Variants in PDE4D observed in about 807,000 individuals in gnomAD.
PDE4D encodes 3',5'-cyclic-AMP phosphodiesterase 4D.
PDE4D carries 24 observed loss-of-function variants against 87.4 expected under a neutral mutation model. That is an observed-to-expected ratio of 0.27 (90% confidence interval 0.20 to 0.39). The LOEUF (loss-of-function observed/expected upper bound fraction) is 0.39. PDE4D is among the 10% of genes least tolerant of loss of function. The pLI is 1.00. For missense variants in PDE4D, 714 were observed against 1,041.0 expected, an observed-to-expected ratio of 0.69 and a Z score of 4.32; for synonymous variants, 384 against 383.2, an observed-to-expected ratio of 1.00 and a Z score of -0.02.
At chr5:59,929,072 A>G (rs1397371246) in intron 3 of PDE4D, among the ~76,000 whole-genome samples, 3 of 151,518 alleles carry the variant, frequency 2.0e-5, no homozygotes, top group Non-Finnish European at 4.4e-5. Flanking sequence ...TTTTCAATAT[A>G]TGTGTGTGTG....
chr5:60,010,790 A>G (rs10940655), intron 2 of PDE4D, among the ~76,000 whole-genome samples: 111,320 of 152,104 alleles, frequency 0.73, 41,292 homozygotes, highest in East Asian at 0.89. Context: ...ATTTTACTCA[A>G]TTTTATAGGT....
chr5:60,288,593 T>A (rs1190356057), intron 1 of PDE4D, among the ~76,000 whole-genome samples: 2 of 152,248 alleles, frequency 1.3e-5, no homozygotes, highest in Middle Eastern at 3.2e-3. Flanking sequence ...AAAAGTTTTT[T>A]AACTATAAAG....
At chr5:60,515,601 C>CTTTCTTTTTTTTTTT (rs1750761192) in intron 1 of PDE4D, among the ~76,000 whole-genome samples, 1 of 106,822 alleles carries the variant, frequency 9.4e-6, no homozygotes, top group Non-Finnish European at 2.0e-5. Context: ...TTTTCTTTTT[C>CTTTCTTTTTTTTTTT]TTTTTTTTTT....
At chr5:59,337,066 A>G (rs1416754954) in intron 1 of PDE4D, among the ~76,000 whole-genome samples, 1 of 152,178 alleles carries the variant, frequency 6.6e-6, no homozygotes, top group Non-Finnish European at 1.5e-5. Context: ...AGCAAGAACA[A>G]AGGTTTTGGC....
intron 1 of PDE4D, among the ~76,000 whole-genome samples, chr5:60,395,992 C>T (rs373083306): frequency 6.6e-6 from 1 of 152,156 alleles, no homozygotes; most frequent in Non-Finnish European, 1.5e-5. Context: ...AAACCCAGCC[C>T]ACGGTTACCA....
chr5:60,053,247 A>G (rs1383038035), intron 2 of PDE4D, among the ~76,000 whole-genome samples: 2 of 152,246 alleles, frequency 1.3e-5, no homozygotes, highest in African/African-American at 4.8e-5. Flanking sequence ...ATCCTAAGCA[A>G]AAAGAACAAA....
intron 1 of PDE4D, among the ~76,000 whole-genome samples, chr5:59,590,936 C>T (rs1444722025): frequency 6.6e-6 from 1 of 152,084 alleles, no homozygotes; most frequent in Non-Finnish European, 1.5e-5. Flanking sequence ...CAATAAAACC[C>T]TTTTCTCTCA....
chr5:59,503,132 A>C (rs937966524), intron 1 of PDE4D, among the ~76,000 whole-genome samples: 2 of 152,072 alleles, frequency 1.3e-5, no homozygotes, highest in Non-Finnish European at 2.9e-5. Context: ...AGTAGCAAAA[A>C]AGGTTAGGCT....
chr5:59,840,234 CCACA>C lies in PDE4D; in HGVS notation c.455+52930_455+52933del, dbSNP rs142164308. 8.5e-3 allele frequency among the ~76,000 whole-genome samples: 1,240 copies of C among 145,076 alleles called. 7 individuals are homozygous for C. Among genetic ancestry groups the C allele is most frequent in the South Asian group, 0.018 (83 of 4,526 alleles). Reference sequence around the variant, plus strand: ...GTCTTCTAGTTTCACACGTGCACTGCCACACACACACACACACACACACACACAC... The same window carrying C: ...GTCTTCTAGTTTCACACGTGCACTGCCACACACACACACACACACACACAC... On this transcript the variant is annotated intron_variant, in intron 1 of 14. Transcript: ENST00000340635.
At chr5:59,072,960 C>A (rs889118202) in intron 5 of PDE4D, among the ~76,000 whole-genome samples, 1 of 152,056 alleles carries the variant, frequency 6.6e-6, no homozygotes, top group Non-Finnish European at 1.5e-5. Context: ...GGTCATGAAT[C>A]GCTTAGATGG....
chr5:60,313,767 G>C (rs1755268951), intron 1 of PDE4D, among the ~76,000 whole-genome samples: 1 of 151,940 alleles, frequency 6.6e-6, no homozygotes, highest in African/African-American at 2.4e-5. Context: ...TTTATCCCTG[G>C]GATACAAAGT....
chr5:59,189,693 C>T (rs1323747743), intron 3 of PDE4D, among the ~76,000 whole-genome samples: 2 of 152,186 alleles, frequency 1.3e-5, no homozygotes, highest in Non-Finnish European at 2.9e-5. Context: ...GCGTGCACTC[C>T]AGTGGGATTC....
chr5:59,284,495 A>G (rs1766482132), intron 1 of PDE4D, among the ~76,000 whole-genome samples: 1 of 152,004 alleles, frequency 6.6e-6, no homozygotes, highest in Non-Finnish European at 1.5e-5. Context: ...AGAAATGCAA[A>G]TCAAAACCAC....
intron 2 of PDE4D, among the ~76,000 whole-genome samples, chr5:60,027,213 C>A (rs1766727028): frequency 6.6e-6 from 1 of 152,130 alleles, no homozygotes; most frequent in South Asian, 2.1e-4. Flanking sequence ...TTTCTTAACC[C>A]TTGCTCCACT....
chr5:59,172,209 A>G (rs1420892964), intron 5 of PDE4D, among the ~76,000 whole-genome samples: 2 of 112,148 alleles, frequency 1.8e-5, no homozygotes, highest in Non-Finnish European at 3.3e-5. Context: ...AAATATGTAT[A>G]TAATATATAA....
At chr5:59,550,490 C>T (rs553758902) in intron 1 of PDE4D, among the ~76,000 whole-genome samples, 21 of 152,222 alleles carry the variant, frequency 1.4e-4, no homozygotes, top group Middle Eastern at 3.4e-3. Context: ...AATGTCCTGA[C>T]TTTAGTCAAT....
chr5:59,482,074 C>T (rs1804369361), intron 1 of PDE4D, among the ~76,000 whole-genome samples: 1 of 152,068 alleles, frequency 6.6e-6, no homozygotes. Flanking sequence ...TTTCAACTCT[C>T]ACATTTTAAG....
chr5:60,232,078 C>T (rs1425449345), intron 1 of PDE4D, among the ~76,000 whole-genome samples: 1 of 151,818 alleles, frequency 6.6e-6, no homozygotes, highest in African/African-American at 2.4e-5. Flanking sequence ...CTGTTTGTAA[C>T]TTTGTAATCT....
chr5:60,070,808 C>T (rs1772632409), intron 2 of PDE4D, among the ~76,000 whole-genome samples: 8 of 151,982 alleles, frequency 5.3e-5, no homozygotes, highest in Non-Finnish European at 1.5e-5. Flanking sequence ...CCACCTGGTA[C>T]TGGGCTTTTC....
Sources: allele counts gnomAD v4.1 joint callset (sites outside exome capture counted in the v4.1 genomes callset), GRCh38; gene constraint gnomAD v4.1.1; transcripts MANE v1.5; gene names NCBI Gene and HGNC (gene_info 2026-07-23, HGNC 2026-07-21).